Variants in RBMS2 observed in about 807,000 individuals in gnomAD.
RBMS2 encodes the protein RNA-binding motif, single-stranded-interacting protein 2.
Under a neutral mutation model 58.4 loss-of-function variants are expected in RBMS2, and 38 were observed. That is an observed-to-expected ratio of 0.65 (90% CI 0.50 to 0.85). RBMS2 has a LOEUF of 0.85. RBMS2 is among the 40% of genes least tolerant of loss of function. RBMS2 has a pLI of 0.00. For missense variants in RBMS2, 367 were observed against 503.7 expected (o/e 0.73, Z 2.60); for synonymous variants, 151 against 180.7 (o/e 0.84, Z 1.32).
chr12:56,548,198 C>A (rs1247093026), intron 1 of RBMS2, among the ~76,000 whole-genome samples: 1 of 151,964 alleles, frequency 6.6e-6, no homozygotes, highest in Non-Finnish European at 1.5e-5. Context: ...AATCCCAGAA[C>A]TTTGGGAGGC....
chr12:56,545,447 T>A (rs888534545), intron 1 of RBMS2, among the ~76,000 whole-genome samples: 5 of 152,168 alleles, frequency 3.3e-5, no homozygotes, highest in African/African-American at 1.2e-4. Context: ...AGTTCACACA[T>A]CATACATTTA....
intron 2 of RBMS2, among the ~76,000 whole-genome samples, chr12:56,563,490 T>G (rs1323956814): frequency 6.6e-6 from 1 of 152,220 alleles, no homozygotes; most frequent in Non-Finnish European, 1.5e-5. Context: ...ACAATTATTC[T>G]GTATCTACCC....
At chr12:56,528,456 C>G (rs1873089661) in intron 1 of RBMS2, among the ~76,000 whole-genome samples, 1 of 148,854 alleles carries the variant, frequency 6.7e-6, no homozygotes, top group African/African-American at 2.6e-5. Flanking sequence ...ATACACTAAT[C>G]TCTTAAGAAC....
intron 1 of RBMS2, among the ~76,000 whole-genome samples, chr12:56,560,502 C>T (rs1049139825): frequency 5.9e-5 from 9 of 152,084 alleles, no homozygotes; most frequent in African/African-American, 2.2e-4. Context: ...AATCCACCCA[C>T]CTCGACCTCC....
chr12:56,529,128 A>G (rs1414117340), intron 1 of RBMS2, among the ~76,000 whole-genome samples: 2 of 152,232 alleles, frequency 1.3e-5, no homozygotes. Flanking sequence ...AGACCTGTAC[A>G]TAAATGTTCA....
At chr12:56,527,659 A>G (rs990729391) in intron 1 of RBMS2, among the ~76,000 whole-genome samples, 1 of 151,980 alleles carries the variant, frequency 6.6e-6, no homozygotes, top group African/African-American at 2.4e-5. Flanking sequence ...AAAAAACTTT[A>G]ATGGCTATAT....
intron 1 of RBMS2, among the ~76,000 whole-genome samples, chr12:56,545,033 C>T (rs1312018434): frequency 6.6e-6 from 1 of 152,010 alleles, no homozygotes; most frequent in African/African-American, 2.4e-5. Flanking sequence ...TTACACTGTA[C>T]CCAATATGTA....
Position 56,588,368 on chromosome 12 carries a change from A to G in RBMS2, c.1137A>G (p.Ser379=), listed in dbSNP as rs767496416. 1.2e-6 allele frequency: 2 copies of G among 1,610,914 alleles called. No individual in the cohort carries two copies. Among genetic ancestry groups the G allele is most frequent in the African/African-American group, 2.7e-5 (2 of 74,816 alleles). The change falls in exon 12 of 14, where the codon TCA becomes TCG. Residue 379 remains serine (S), a synonymous_variant. Transcript: ENST00000262031. Reference sequence around the variant, plus strand: ...CCCCTGTGCCTTCTTCCAGTGTTTCAGTCGAGGTAAGGGTGTTATCATTTC... The same window carrying G: ...CCCCTGTGCCTTCTTCCAGTGTTTCGGTCGAGGTAAGGGTGTTATCATTTC... ...QYTPVPSSSV[S]VEESSGQQNQ...
chr12:56,557,841 C>G lies in RBMS2; in HGVS notation c.67-4576C>G, dbSNP rs1285922268. 2.0e-5 allele frequency among the ~76,000 whole-genome samples: 3 copies of G among 149,610 alleles called. No homozygotes were observed. In the East Asian group the frequency reaches 6.0e-4, roughly 30 times the overall value. On this transcript the variant is annotated intron_variant, in intron 1 of 13. Transcript: ENST00000262031. ...GCAACCTCTGCCTCCCAGGTTCAAG[C>G]GATTCTCCTGCCTCAGCCTCCTGAG... is the stretch of plus-strand genomic sequence containing the variant.
intron 1 of RBMS2, among the ~76,000 whole-genome samples, chr12:56,551,517 G>T (rs1341668758): frequency 6.6e-6 from 1 of 152,140 alleles, no homozygotes; most frequent in East Asian, 1.9e-4. Context: ...GAAGTAGACT[G>T]GAAGTGAATG....
rs1373149325 is a variant in RBMS2, at chr12:56,588,912, C to G, written c.1144-20C>G. On this transcript the variant is annotated intron_variant, in intron 12 of 13. Coordinates refer to ENST00000262031, the MANE Select transcript of RBMS2 (RefSeq NM_002898.4). ...GGAAAGGAATGCGCAAGATGACCCCCCTCCTTGGCTATGGCACAGGAGAGC... is the reference window on the plus strand; with the variant it reads ...GGAAAGGAATGCGCAAGATGACCCCGCTCCTTGGCTATGGCACAGGAGAGC... 1 of 1,612,670 alleles carries G rather than the reference C, an allele frequency of 6.2e-7. No individual in the cohort carries two copies. Among genetic ancestry groups the G allele is most frequent in the Non-Finnish European group, 8.5e-7 (1 of 1,178,754 alleles).
chr12:56,555,584 G>A (rs777244050), intron 1 of RBMS2, among the ~76,000 whole-genome samples: 4 of 151,310 alleles, frequency 2.6e-5, no homozygotes, highest in Non-Finnish European at 4.4e-5. Context: ...GCAAGACTCC[G>A]CCTCTATGCA....
intron 5 of RBMS2, chr12:56,572,953 A>G (rs1176778131): frequency 2.0e-6 from 2 of 983,836 alleles, no homozygotes; most frequent in East Asian, 1.1e-4. Context: ...GGGCTTTGGT[A>G]TCTGCCCTCA....
intron 1 of RBMS2, among the ~76,000 whole-genome samples, chr12:56,562,180 G>C (rs979151017): frequency 1.3e-5 from 2 of 152,324 alleles, no homozygotes; most frequent in South Asian, 4.1e-4. Context: ...GAAATATAAA[G>C]GATGTATTAA....
rs993968640 is a variant in RBMS2 at position 56,567,189 on chromosome 12, A to C, written c.234-1786A>C. Among the ~76,000 whole-genome samples, 10 of 152,140 alleles carry C rather than the reference A, an allele frequency of 6.6e-5. No homozygotes were observed. The East Asian group carries it at 1.9e-3, about 29-fold the overall frequency. ...CACCTGAGGTCAGGAGTTTGAGACCAGCCTGGCCAACATGGTGAAACCTCG... is the reference window on the plus strand; with the variant it reads ...CACCTGAGGTCAGGAGTTTGAGACCCGCCTGGCCAACATGGTGAAACCTCG... On this transcript the variant is annotated intron_variant, in intron 2 of 13. Coordinates refer to ENST00000262031, the MANE Select transcript of RBMS2 (RefSeq NM_002898.4).
In RBMS2 at chr12:56,591,326, C is replaced by G. The variant is rs1459294652; in HGVS notation, c.*2193C>G. 1 of 152,152 alleles carries G rather than the reference C, an allele frequency of 6.6e-6. No individual in the cohort carries two copies. Among genetic ancestry groups the G allele is most frequent in the Non-Finnish European group, 1.5e-5 (1 of 68,054 alleles). 9.4% of individuals were successfully genotyped at this position (152,152 alleles called of 1,614,324 possible). ...AGCTTTCCCTCCCTTCCCAGCCACCCTAGAATTGAGAGTCCCAGTGCCCCT... is the reference window on the plus strand; with the variant it reads ...AGCTTTCCCTCCCTTCCCAGCCACCGTAGAATTGAGAGTCCCAGTGCCCCT... On this transcript the variant is annotated 3_prime_UTR_variant, in exon 14 of 14. Coordinates refer to ENST00000262031, the MANE Select transcript of RBMS2 (RefSeq NM_002898.4).
At chr12:56,536,987 C>T (rs1275640568) in intron 1 of RBMS2, among the ~76,000 whole-genome samples, 1 of 148,520 alleles carries the variant, frequency 6.7e-6, no homozygotes, top group East Asian at 2.0e-4. Context: ...GTGGCATGAT[C>T]TTGGCTCACT....
chr12:56,539,343 G>A (rs1421397230), intron 1 of RBMS2, among the ~76,000 whole-genome samples: 1 of 152,136 alleles, frequency 6.6e-6, no homozygotes, highest in East Asian at 1.9e-4. Context: ...ATAAGTCTAT[G>A]TTTGTGTATT....
chr12:56,525,355 G>A (rs1419221763), intron 1 of RBMS2, among the ~76,000 whole-genome samples: 1 of 151,864 alleles, frequency 6.6e-6, no homozygotes, highest in Non-Finnish European at 1.5e-5. Context: ...CTGGGTAGCT[G>A]GGACTACAGG....
Sources: gnomAD v4.1 joint callset for allele counts (sites outside exome capture counted in the v4.1 genomes callset) on GRCh38, gnomAD v4.1.1 for gene constraint, MANE v1.5 for transcripts, NCBI Gene and HGNC (gene_info 2026-07-23, HGNC 2026-07-21) for gene names.